Variants in RPS6KA5 observed in about 807,000 individuals in gnomAD.
The protein encoded by RPS6KA5 is ribosomal protein S6 kinase alpha-5.
RPS6KA5 carries 27 observed loss-of-function variants against 85.5 expected under a neutral mutation model. That is an observed-to-expected ratio of 0.32 (90% CI 0.23 to 0.44). The LOEUF (loss-of-function observed/expected upper bound fraction) is 0.44. Among genes scored for constraint, RPS6KA5 ranks in the 20% least tolerant of loss-of-function variants. The probability of loss-of-function intolerance (pLI) is 1.00; values close to 1 mark genes in which losing one functional copy is unlikely to be tolerated. For synonymous variants in RPS6KA5, 334 were observed against 348.2 expected, an observed-to-expected ratio of 0.96 and a Z score of 0.46; for missense variants, 811 against 980.9, an observed-to-expected ratio of 0.83 and a Z score of 2.31.
rs553751769 is a variant in RPS6KA5, at chr14:90,934,901, G to T, written c.618+8177C>A. Among the ~76,000 whole-genome samples the T allele has an allele frequency of 3.8e-4, 58 of 152,150 alleles. 1 individual carries two copies. Among genetic ancestry groups the T allele is most frequent in the Non-Finnish European group, 7.2e-4 (49 of 68,030 alleles). Reference sequence around the variant, plus strand: ...ATAGTGTTTTAAGAAAGGAAGAACTGGGGCAACAGGGTAACACTTTGGTTT... The same window carrying T: ...ATAGTGTTTTAAGAAAGGAAGAACTTGGGCAACAGGGTAACACTTTGGTTT... On this transcript the variant is annotated intron_variant, in intron 5 of 16. Coordinates refer to ENST00000614987, the MANE Select transcript of RPS6KA5 (RefSeq NM_004755.4).
chr14:90,978,986 T>TA (rs1013288809), intron 2 of RPS6KA5, among the ~76,000 whole-genome samples: 21 of 151,860 alleles, frequency 1.4e-4, no homozygotes, highest in East Asian at 3.9e-4. Context: ...TCTATACTTA[T>TA]AAAAAAAAGC....
intron 14 of RPS6KA5, among the ~76,000 whole-genome samples, chr14:90,880,176 G>A (rs1417086261): frequency 3.9e-5 from 6 of 152,034 alleles, no homozygotes; most frequent in East Asian, 1.9e-4. Flanking sequence ...TGTATAGTTC[G>A]ATGGTATTAA....
intron 2 of RPS6KA5, among the ~76,000 whole-genome samples, chr14:90,983,586 G>T (rs2039903459): frequency 6.6e-6 from 1 of 151,314 alleles, no homozygotes; most frequent in Non-Finnish European, 1.5e-5. Context: ...GGGCAACAGG[G>T]CAAAACTCTG....
At chr14:91,047,506 C>T (rs896368874) in intron 1 of RPS6KA5, among the ~76,000 whole-genome samples, 2 of 152,216 alleles carry the variant, frequency 1.3e-5, no homozygotes, top group East Asian at 1.9e-4. Flanking sequence ...AAGAATGACA[C>T]GTGTTACCAT....
intron 1 of RPS6KA5, among the ~76,000 whole-genome samples, chr14:91,010,444 T>C (rs1383365019): frequency 6.6e-6 from 1 of 152,224 alleles, no homozygotes; most frequent in Non-Finnish European, 1.5e-5. Context: ...AGAGCCATAA[T>C]ATCCCGGATC....
chr14:90,955,452 A>G (rs560582866), intron 3 of RPS6KA5, among the ~76,000 whole-genome samples: 5 of 152,082 alleles, frequency 3.3e-5, no homozygotes, highest in African/African-American at 4.8e-5. Flanking sequence ...GGGGTCTCAC[A>G]CTTTGTTGCC....
chr14:91,017,345 A>T (rs546205254), intron 1 of RPS6KA5, among the ~76,000 whole-genome samples: 1 of 152,230 alleles, frequency 6.6e-6, no homozygotes, highest in African/African-American at 2.4e-5. Flanking sequence ...TTCTGTCACA[A>T]CTACCATCCA....
intron 2 of RPS6KA5, among the ~76,000 whole-genome samples, chr14:90,984,095 C>T (rs2039959031): frequency 6.6e-6 from 1 of 152,206 alleles, no homozygotes; most frequent in African/African-American, 2.4e-5. Context: ...ATCCACCCGC[C>T]TTGGCTTCCC....
intron 2 of RPS6KA5, among the ~76,000 whole-genome samples, chr14:90,984,676 C>A (rs749201027): frequency 2.4e-4 from 37 of 152,174 alleles, no homozygotes; most frequent in African/African-American, 8.5e-4. Context: ...TTCTTTTCAG[C>A]TTGCTTTTCC....
chr14:91,059,340 G>GA (rs542313515), intron 1 of RPS6KA5, among the ~76,000 whole-genome samples: 35,099 of 127,332 alleles, frequency 0.28, 4,420 homozygotes, highest in Middle Eastern at 0.33. Context: ...AACTCTGTCT[G>GA]AAAAAAAAAA....
intron 1 of RPS6KA5, among the ~76,000 whole-genome samples, chr14:91,040,159 C>T (rs2042549970): frequency 6.6e-6 from 1 of 152,214 alleles, no homozygotes; most frequent in Non-Finnish European, 1.5e-5. Flanking sequence ...GTAATCCCAA[C>T]ACTTTGGGAG....
chr14:90,922,197 A>G (rs1055229379), intron 6 of RPS6KA5, among the ~76,000 whole-genome samples: 1 of 152,322 alleles, frequency 6.6e-6, no homozygotes, highest in Admixed American at 6.5e-5. Flanking sequence ...GAATAAGAAA[A>G]TATCAGTGAT....
chr14:90,978,121 T>C (rs891674087), intron 3 of RPS6KA5, among the ~76,000 whole-genome samples, 185 bp downstream of exon 3: 1 of 152,174 alleles, frequency 6.6e-6, no homozygotes, highest in African/African-American at 2.4e-5. Flanking sequence ...TCTTCCATAA[T>C]GGCATAATGG....
chr14:91,037,920 G>A (rs1469837816), intron 1 of RPS6KA5, among the ~76,000 whole-genome samples: 1 of 152,162 alleles, frequency 6.6e-6, no homozygotes, highest in East Asian at 1.9e-4. Flanking sequence ...CTGGGATTAC[G>A]TGCTTGAGTA....
At chr14:90,971,898 G>T (rs1941183633) in intron 3 of RPS6KA5, among the ~76,000 whole-genome samples, 1 of 152,204 alleles carries the variant, frequency 6.6e-6, no homozygotes, top group Non-Finnish European at 1.5e-5. Context: ...AAGGAACTGG[G>T]CAAGACATGA....
Position 90,925,336 on chromosome 14 carries a change from A to C in RPS6KA5, c.619-2140T>G, listed in dbSNP as rs572723778. ...TTATATAAACCTTGAAACCAAAGAA[A>C]GCTAAACCTCAGTGAAAACAAACTA... On this transcript the variant is annotated intron_variant, in intron 5 of 16. Coordinates refer to ENST00000614987, the MANE Select transcript of RPS6KA5 (RefSeq NM_004755.4). Among the ~76,000 whole-genome samples, 4 of 152,340 alleles carry C rather than the reference A, an allele frequency of 2.6e-5. No homozygotes were observed. The South Asian group carries it at 8.3e-4, about 32-fold the overall frequency.
chr14:90,998,006 T>C (rs946516753), intron 2 of RPS6KA5, among the ~76,000 whole-genome samples: 17 of 55,198 alleles, frequency 3.1e-4, no homozygotes, highest in Middle Eastern at 0.011. Context: ...AGACTCTGTC[T>C]GAAAAAAAAA....
chr14:90,903,941 T>A (rs1005651155), intron 8 of RPS6KA5, among the ~76,000 whole-genome samples: 7 of 141,428 alleles, frequency 4.9e-5, no homozygotes, highest in African/African-American at 1.0e-4. Flanking sequence ...TTTAATCAAC[T>A]ACCATAAATT....
intron 1 of RPS6KA5, among the ~76,000 whole-genome samples, chr14:91,003,179 CT>C (rs1168781582): frequency 6.6e-6 from 1 of 151,596 alleles, no homozygotes; most frequent in Non-Finnish European, 1.5e-5. Flanking sequence ...ATTAGGAATC[CT>C]TTTTTATTTA....
Sources: allele counts gnomAD v4.1 joint callset (sites outside exome capture counted in the v4.1 genomes callset), GRCh38; gene constraint gnomAD v4.1.1; transcripts MANE v1.5; gene names NCBI Gene and HGNC (gene_info 2026-07-23, HGNC 2026-07-21).